The following ARHGAP15 variants were observed in gnomAD, a reference collection of about 807,000 sequenced individuals.
ARHGAP15 encodes Rho GTPase activating protein 15.
Under a neutral mutation model 63.7 loss-of-function variants are expected in ARHGAP15, and 51 were observed. That is an observed-to-expected ratio of 0.80 (90% CI 0.64 to 1.01). The LOEUF (loss-of-function observed/expected upper bound fraction) is 1.01. Among genes scored for constraint, ARHGAP15 ranks in the 50% least tolerant of loss-of-function variants. ARHGAP15 has a pLI of 0.00. For synonymous variants in ARHGAP15, 191 were observed against 193.8 expected (o/e 0.99, Z 0.12); for missense variants, 560 against 564.6 (o/e 0.99, Z 0.08).
chr2:143,277,941 T>C (rs1681642866), intron 6 of ARHGAP15, among the ~76,000 whole-genome samples: 1 of 152,178 alleles, frequency 6.6e-6, no homozygotes, highest in Non-Finnish European at 1.5e-5. Context: ...TATTTTTACA[T>C]TGGTTGATAG....
At chr2:143,399,462 C>A (rs2104992048) in intron 6 of ARHGAP15, among the ~76,000 whole-genome samples, 1 of 151,878 alleles carries the variant, frequency 6.6e-6, no homozygotes, top group African/African-American at 2.4e-5. Context: ...GTTTATGTTC[C>A]ATAAGATAAG....
chr2:143,473,483 T>C (rs1691673117), intron 8 of ARHGAP15, among the ~76,000 whole-genome samples: 1 of 152,204 alleles, frequency 6.6e-6, no homozygotes, highest in South Asian at 2.1e-4. Flanking sequence ...AATATTTCTC[T>C]TTTACTCTTG....
chr2:143,355,970 C>T (rs954201060), intron 6 of ARHGAP15, among the ~76,000 whole-genome samples: 3 of 151,894 alleles, frequency 2.0e-5, no homozygotes, highest in South Asian at 2.1e-4. Flanking sequence ...TATGCCATTA[C>T]GCTCATTTGT....
At chr2:143,439,834 A>G (rs1689798870) in intron 8 of ARHGAP15, among the ~76,000 whole-genome samples, 1 of 152,176 alleles carries the variant, frequency 6.6e-6, no homozygotes, top group East Asian at 1.9e-4. Flanking sequence ...TTAGACTTGG[A>G]TAGAAATATT....
intron 11 of ARHGAP15, among the ~76,000 whole-genome samples, chr2:143,571,533 G>A (rs1696453108): frequency 6.6e-6 from 1 of 152,154 alleles, no homozygotes; most frequent in Non-Finnish European, 1.5e-5. Context: ...GAGAGAAGGT[G>A]ACATGAAATC....
rs148830756 is a variant in ARHGAP15, at chr2:143,192,392, C to T, written c.166-9742C>T. On this transcript the variant is annotated intron_variant, in intron 2 of 13. Transcript: ENST00000295095. Reference sequence around the variant, plus strand: ...ACCATTCTCCAAGGCAGACTAACAACACCCTGAATTCAATCACCCCTAAAT... The same window carrying T: ...ACCATTCTCCAAGGCAGACTAACAATACCCTGAATTCAATCACCCCTAAAT... Among the ~76,000 whole-genome samples the T allele has an allele frequency of 2.2e-3, 336 of 152,340 alleles. 2 individuals carry two copies. Among genetic ancestry groups the T allele is most frequent in the African/African-American group, 7.2e-3 (299 of 41,568 alleles).
chr2:143,603,801 G>A (rs1463138152), intron 11 of ARHGAP15, among the ~76,000 whole-genome samples: 1 of 152,180 alleles, frequency 6.6e-6, no homozygotes, highest in East Asian at 1.9e-4. Context: ...CATGTTCTCA[G>A]TGGAAAAGTA....
At chr2:143,341,006 T>G (rs957628507) in intron 6 of ARHGAP15, among the ~76,000 whole-genome samples, 2 of 147,030 alleles carry the variant, frequency 1.4e-5, no homozygotes, top group African/African-American at 4.9e-5. Flanking sequence ...TTTACCGTTT[T>G]GGGAGTATTT....
intron 13 of ARHGAP15, among the ~76,000 whole-genome samples, chr2:143,762,971 CCTGA>C (rs1237418066): frequency 6.6e-5 from 10 of 152,124 alleles, no homozygotes; most frequent in African/African-American, 1.9e-4. Flanking sequence ...TTGAAGTACA[CCTGA>C]CTGTTTTTGA....
At chr2:143,625,066 TACTGTA>T (rs1698782714) in intron 12 of ARHGAP15, among the ~76,000 whole-genome samples, 1 of 152,198 alleles carries the variant, frequency 6.6e-6, no homozygotes, top group African/African-American at 2.4e-5. Flanking sequence ...AGGGTATGCT[TACTGTA>T]ACTGTGACAG....
chr2:143,487,142 T>C (rs1311312568), intron 8 of ARHGAP15, among the ~76,000 whole-genome samples: 1 of 152,136 alleles, frequency 6.6e-6, no homozygotes, highest in East Asian at 1.9e-4. Context: ...TGAAAATAAA[T>C]TGTGAATATA....
At chr2:143,681,110 C>A (rs1476946458) in intron 12 of ARHGAP15, among the ~76,000 whole-genome samples, 1 of 152,102 alleles carries the variant, frequency 6.6e-6, no homozygotes. Context: ...TGTTAAACAC[C>A]ATATGTGATG....
chr2:143,505,066 C>T (rs927539319), intron 9 of ARHGAP15, among the ~76,000 whole-genome samples: 3 of 152,176 alleles, frequency 2.0e-5, no homozygotes, highest in Admixed American at 2.0e-4. Flanking sequence ...GAGGCTCTTT[C>T]CTCAACAGAA....
At position 143,700,142 on chromosome 2, in the gene ARHGAP15, G is replaced by T. The variant is rs560079377; in HGVS notation, c.1139-3277G>T. ...TCAAGCAGTACAAATACCATGTGAA[G>T]TGTTGTGTAAGTAGAATATTCTAAA... On this transcript the variant is annotated intron_variant, in intron 12 of 13. Coordinates refer to ENST00000295095, the MANE Select transcript of ARHGAP15 (RefSeq NM_018460.4). Among the ~76,000 whole-genome samples, 9 of 152,292 alleles carry T rather than the reference G, an allele frequency of 5.9e-5. No homozygotes were observed. The South Asian group carries it at 1.9e-3, about 32-fold the overall frequency.
At chr2:143,419,896 GA>G (rs1170484061) in intron 6 of ARHGAP15, among the ~76,000 whole-genome samples, 1 of 152,072 alleles carries the variant, frequency 6.6e-6, no homozygotes, top group African/African-American at 2.4e-5. Flanking sequence ...CAATATCATT[GA>G]AAATGTATAG....
intron 6 of ARHGAP15, among the ~76,000 whole-genome samples, chr2:143,409,545 ATGT>A (rs1272789470): frequency 6.6e-6 from 1 of 152,060 alleles, no homozygotes; most frequent in African/African-American, 2.4e-5. Context: ...CTCTGAAAAA[ATGT>A]TATTATTCAC....
intron 11 of ARHGAP15, among the ~76,000 whole-genome samples, chr2:143,583,038 C>T (rs1451242692): frequency 6.6e-6 from 1 of 152,082 alleles, no homozygotes; most frequent in African/African-American, 2.4e-5. Flanking sequence ...ACATTGGCTA[C>T]GTCTAGTGCA....
Position 143,254,842 on chromosome 2 carries a change from TAAAAC to T in ARHGAP15, c.474+4251_474+4255del, listed in dbSNP as rs372033024. Among the ~76,000 whole-genome samples, 674 of 146,310 alleles carry T rather than the reference TAAAAC, an allele frequency of 4.6e-3. 6 individuals carry two copies. Among genetic ancestry groups the T allele is most frequent in the African/African-American group, 0.017 (641 of 38,296 alleles). On this transcript the variant is annotated intron_variant, in intron 6 of 13. Transcript: ENST00000295095. ...TAAGGGTACAGTTGCATTCCTTTAA[TAAAAC>T]AAAACAAATTCACTCCTATTAAAAA...
intron 9 of ARHGAP15, among the ~76,000 whole-genome samples, chr2:143,506,993 T>G (rs1693353832): frequency 6.6e-6 from 1 of 152,216 alleles, no homozygotes; most frequent in Admixed American, 6.5e-5. Flanking sequence ...TACATTCATT[T>G]ATGCACTCAT....
Sources: allele counts gnomAD v4.1 joint callset (sites outside exome capture counted in the v4.1 genomes callset), GRCh38; gene constraint gnomAD v4.1.1; transcripts MANE v1.5; gene names NCBI Gene and HGNC (gene_info 2026-07-23, HGNC 2026-07-21).